NLRC5: variants seen among roughly 807,000 people sequenced by gnomAD.
NLRC5 encodes protein NLRC5.
A neutral mutation model predicts 206.9 loss-of-function variants in NLRC5; 114 were observed. That is an observed-to-expected ratio of 0.55 (90% CI 0.47 to 0.64). The LOEUF (loss-of-function observed/expected upper bound fraction) is 0.64. NLRC5 is among the 30% of genes least tolerant of loss of function. The pLI, the probability that NLRC5 is intolerant of heterozygous loss-of-function variation, is 0.00. For missense variants in NLRC5, 2,008 were observed against 2,305.5 expected (o/e 0.87, Z 2.64); for synonymous variants, 952 against 962.8 (o/e 0.99, Z 0.21).
intron 27 of NLRC5, among the ~76,000 whole-genome samples, chr16:57,057,351 G>A (rs937571694): frequency 6.6e-6 from 1 of 152,254 alleles, no homozygotes; most frequent in Non-Finnish European, 1.5e-5. Context: ...TTGAACCTGG[G>A]AGACAGAGGT....
chr16:57,014,701 A>C (rs1225520772), intron 1 of NLRC5, among the ~76,000 whole-genome samples: 1 of 152,158 alleles, frequency 6.6e-6, no homozygotes, highest in African/African-American at 2.4e-5. Context: ...AGTATGTCTT[A>C]GTCAGTTTGG....
intron 17 of NLRC5, 152 bp downstream of exon 17, chr16:57,040,870 T>G (rs1427805590): frequency 1.4e-6 from 1 of 732,464 alleles, no homozygotes; most frequent in African/African-American, 1.8e-5. Context: ...CTTCCCTACC[T>G]CCTACCTCCC....
Position 57,026,981 on chromosome 16 carries a change from G to C in NLRC5, c.2038G>C (p.Glu680Gln). Residue 680 changes from glutamate (E) to glutamine (Q), a missense_variant, in exon 6 of 49, where the codon GAG becomes CAG. Glu to Gln is a conservative substitution (Grantham distance 29). Transcript: ENST00000688547. Reference protein sequence around the residue: ...DGCPLEPHCPEALVGCGQIEN... With the variant: ...DGCPLEPHCPQALVGCGQIEN... ...CTGTCCCCTGGAGCCCCACTGCCCT[G>C]AGGCTCTGGTAGGCTGTGGGCAGAT... 4 of 1,614,182 alleles carry C rather than the reference G, an allele frequency of 2.5e-6. No homozygotes were observed. Among genetic ancestry groups the C allele is most frequent in the Non-Finnish European group, 3.4e-6 (4 of 1,180,020 alleles).
intron 1 of NLRC5, among the ~76,000 whole-genome samples, chr16:56,999,094 C>T (rs1361479666): frequency 1.3e-5 from 2 of 152,228 alleles, no homozygotes; most frequent in African/African-American, 4.8e-5. Context: ...TGTATCCTCA[C>T]ATGGTGCAAA....
In NLRC5 at chr16:57,029,980, G is replaced by A. The variant is rs532084855; in HGVS notation, c.2328-15G>A. ...AGGGGATTCCACTCCTGACACCTTT[G>A]CCACAATCTTGCAGCCTGAGCAGCA... On this transcript the variant is annotated splice_polypyrimidine_tract_variant and intron_variant, in intron 9 of 48. Coordinates refer to ENST00000688547, the MANE Select transcript of NLRC5 (RefSeq NM_001384950.1). 6.2e-7 allele frequency: 1 copy of A among 1,614,078 alleles called. No homozygotes were observed. The highest frequency in any genetic ancestry group is 1.3e-5 in the African/African-American group (1 of 75,034).
chr16:57,079,019 A>T, intron 43 of NLRC5, 31 bp from the exon 44 acceptor site: 1 of 1,599,102 alleles, frequency 6.3e-7, no homozygotes, highest in Non-Finnish European at 8.6e-7. Context: ...CCAGTCCCTC[A>T]GGCTCCTCTC....
In NLRC5 at chr16:57,069,991, C is replaced by T. The variant is rs77415909; in HGVS notation, c.4583+72C>T. ...GTGAGGGGTGGAGAAGAGAGCAGGG[C>T]GTTTGGGAGGGCAGGCAATGAGACT... On this transcript the variant is annotated intron_variant, in intron 37 of 48. Coordinates refer to ENST00000688547, the MANE Select transcript of NLRC5 (RefSeq NM_001384950.1). 15,301 of 1,280,468 alleles carry T rather than the reference C, an allele frequency of 0.012. 149 individuals carry two copies. Among genetic ancestry groups the T allele is most frequent in the Middle Eastern group, 0.012 (47 of 3,772 alleles). 79.3% of individuals were successfully genotyped at this position (1,280,468 alleles called of 1,614,324 possible).
At chr16:56,992,008 T>G (rs1567489722) in intron 1 of NLRC5, 1 of 151,694 alleles carries the variant, frequency 6.6e-6, no homozygotes, top group Non-Finnish European at 1.5e-5. Flanking sequence ...AGAGAGGAGA[T>G]GGACACATGA....
rs1231190955 is a variant in NLRC5 at position 57,015,942 on chromosome 16, A to AG, written c.-127-1132_-127-1131insG. 3.3e-3 allele frequency among the ~76,000 whole-genome samples: 482 copies of AG among 145,108 alleles called. 2 individuals carry two copies. The highest frequency in any genetic ancestry group is 0.027 in the East Asian group (125 of 4,716). ...CTCCATCTCAAAAAAAAAAAAAAAA[A>AG]AAAAAAGAAAGAAAAGAAAAGAAGC... On this transcript the variant is annotated intron_variant, in intron 1 of 48. Coordinates refer to ENST00000688547, the MANE Select transcript of NLRC5 (RefSeq NM_001384950.1).
intron 15 of NLRC5, among the ~76,000 whole-genome samples, chr16:57,037,570 A>G (rs1409175929): frequency 6.6e-6 from 1 of 152,142 alleles, no homozygotes; most frequent in Non-Finnish European, 1.5e-5. Context: ...ACAGAGGCAG[A>G]GGGCACAACT....
At chr16:57,062,055 C>T (rs1202229878) in intron 32 of NLRC5, 34 of 1,327,416 alleles carry the variant, frequency 2.6e-5, no homozygotes, top group Non-Finnish European at 3.1e-5. Flanking sequence ...AAGAAGATAC[C>T]GAAGTAGAAA....
chr16:57,047,814 A>G, intron 23 of NLRC5, 186 bp downstream of exon 23: 1 of 612,404 alleles, frequency 1.6e-6, no homozygotes, highest in Non-Finnish European at 2.9e-6. Flanking sequence ...AGCCTTAGGC[A>G]GCGCATGTCT....
intron 15 of NLRC5, among the ~76,000 whole-genome samples, chr16:57,037,643 G>A (rs80162955): frequency 0.018 from 2,681 of 152,264 alleles, 46 homozygotes; most frequent in South Asian, 0.044. Context: ...GACTTGCTCC[G>A]TTTGGCTTCC....
In NLRC5 at chr16:57,082,496, G is replaced by A; in HGVS notation, c.5569G>A (p.Asp1857Asn). ...QEPRLDFAFF[D>N]NQPQAPWGT ...GCCCAGGCTGGACTTTGCCTTCTTT[G>A]ACAACCAGCCCCAGGCCCCTTGGGG... is the stretch of plus-strand genomic sequence containing the variant. The change falls in exon 49 of 49, where the codon GAC becomes AAC. Residue 1857 changes from aspartate (D) to asparagine (N), a missense_variant. Transcript: ENST00000688547. 1.2e-6 allele frequency: 2 copies of A among 1,613,786 alleles called. No individual in the cohort carries two copies. The highest frequency in any genetic ancestry group is 1.7e-6 in the Non-Finnish European group (2 of 1,179,832).
intron 37 of NLRC5, among the ~76,000 whole-genome samples, 197 bp from the exon 38 acceptor site, chr16:57,070,338 C>G (rs914399931): frequency 6.6e-6 from 1 of 152,134 alleles, no homozygotes; most frequent in Non-Finnish European, 1.5e-5. Flanking sequence ...CCAGCTGTGA[C>G]TATCATGCCT....
chr16:57,017,715 A>G (rs1298157445), intron 2 of NLRC5, among the ~76,000 whole-genome samples: 1 of 152,268 alleles, frequency 6.6e-6, no homozygotes, highest in Non-Finnish European at 1.5e-5. Flanking sequence ...TCTTAAAACA[A>G]CTACAGGCAT....
Position 57,069,861 on chromosome 16 carries a change from G to A in NLRC5, c.4525G>A (p.Glu1509Lys), listed in dbSNP as rs759776358. ...FRLTSSCVST[E>K]GLAHLASGLG... is the part of the protein sequence containing the mutation. ...GCTGACCTCCAGCTGTGTGAGCACC[G>A]AGGGCCTCGCCCACCTGGCATCTGG... Residue 1509 changes from glutamate (E) to lysine (K), a missense_variant, in exon 37 of 49, where the codon GAG becomes AAG. Glu to Lys is a moderately conservative substitution (Grantham distance 56). Transcript: ENST00000688547. 3.2e-5 allele frequency: 52 copies of A among 1,603,260 alleles called. No homozygotes were observed. The highest frequency in any genetic ancestry group is 2.0e-4 in the Admixed American group (12 of 58,770).
Position 57,020,722 on chromosome 16 carries a change from G to A in NLRC5, c.10G>A (p.Val4Ile), listed in dbSNP as rs866090118. 1.4e-5 allele frequency: 23 copies of A among 1,601,952 alleles called. No individual in the cohort carries two copies. The highest frequency in any genetic ancestry group is 1.7e-4 in the Middle Eastern group (1 of 6,038). ...CCAGGGCTGGCTCCTCATGGACCCC[G>A]TTGGCCTCCAGCTCGGCAACAAGAA... MDP[V>I]GLQLGNKNLW... The change falls in exon 3 of 49, where the codon GTT becomes ATT. Residue 4 changes from valine to isoleucine, a missense_variant. Physicochemically the swap from Val to Ile is conservative, Grantham distance 29. Transcript: ENST00000688547.
At chr16:57,059,159 T>A in intron 29 of NLRC5, 98 bp downstream of exon 29, 1 of 1,602,558 alleles carries the variant, frequency 6.2e-7, no homozygotes, top group Non-Finnish European at 8.5e-7. Context: ...TTTGTGGCCT[T>A]CCATCTGGGT....
Sources: gnomAD v4.1 joint callset for allele counts (sites outside exome capture counted in the v4.1 genomes callset) on GRCh38, gnomAD v4.1.1 for gene constraint, MANE v1.5 for transcripts, NCBI Gene and HGNC (gene_info 2026-07-23, HGNC 2026-07-21) for gene names.